Variants in UBAP2 observed in about 807,000 individuals in gnomAD.
UBAP2 encodes ubiquitin associated protein 2.
In UBAP2, 75 loss-of-function variants were observed where a neutral mutation model predicts 139.6. The ratio of observed to expected loss-of-function variants is 0.54; its 90% CI spans 0.45 to 0.65. The LOEUF (loss-of-function observed/expected upper bound fraction) is 0.65, where lower values mean the gene tolerates loss of function less well. Among genes scored for constraint, UBAP2 ranks in the 30% least tolerant of loss-of-function variants. The pLI is 0.00. For missense variants in UBAP2, 1,368 were observed against 1,369.6 expected, an observed-to-expected ratio of 1.00 and a Z score of 0.02; for synonymous variants, 526 against 526.2, an observed-to-expected ratio of 1.00 and a Z score of 0.01.
At chr9:33,925,226 TCA>T (rs747498695) in intron 22 of UBAP2, among the ~76,000 whole-genome samples, 16 of 152,080 alleles carry the variant, frequency 1.1e-4, no homozygotes, top group Non-Finnish European at 2.2e-4. Context: ...GGAATGGCAC[TCA>T]CACCCTCCAG....
At chr9:34,039,847 T>TAAAAAAA (rs74180526) in intron 1 of UBAP2, among the ~76,000 whole-genome samples, 22 of 84,414 alleles carry the variant, frequency 2.6e-4, no homozygotes, top group Non-Finnish European at 4.6e-4. Flanking sequence ...CAATAAATAC[T>TAAAAAAA]AAAAAAAAAA....
chr9:33,935,428 G>A lies in UBAP2; in HGVS notation c.1969+411C>T, dbSNP rs573585507. On this transcript the variant is annotated intron_variant, in intron 17 of 28. Transcript: ENST00000379238. ...ACAGGCACGCGCCGCCACCACACCC[G>A]GCTAGTTTTTCGTATTTTAGTAGAG... The A allele has an allele frequency of 1.5e-4, 26 of 168,678 alleles. No homozygotes were observed. The South Asian group carries it at 1.8e-3, about 12-fold the overall frequency. The allele number at this position is 168,678 out of a possible 1,614,324, so 10.4% of individuals were successfully genotyped here. A position where few individuals can be genotyped will look rare whatever the true frequency, so the allele number is the denominator to read the frequency against.
chr9:33,961,022 C>A, intron 9 of UBAP2, 144 bp from the exon 10 acceptor site: 1 of 703,356 alleles, frequency 1.4e-6, no homozygotes, highest in Admixed American at 2.5e-5. Flanking sequence ...AGAAACATGA[C>A]GTTCTTAATC....
At chr9:33,930,895 C>CAAAAAAA (rs57202118) in intron 19 of UBAP2, among the ~76,000 whole-genome samples, 2 of 73,234 alleles carry the variant, frequency 2.7e-5, no homozygotes, top group Non-Finnish European at 4.9e-5. Flanking sequence ...GACTGCATCT[C>CAAAAAAA]AAAAAAAAAA....
chr9:33,961,454 C>T (rs923244240), intron 9 of UBAP2, among the ~76,000 whole-genome samples: 1 of 152,156 alleles, frequency 6.6e-6, no homozygotes, highest in Non-Finnish European at 1.5e-5. Flanking sequence ...GTTCTGGAGT[C>T]AGTACACAGG....
chr9:33,960,525 C>G (rs1414036249), intron 10 of UBAP2, among the ~76,000 whole-genome samples: 1 of 152,092 alleles, frequency 6.6e-6, no homozygotes, highest in African/African-American at 2.4e-5. Context: ...CCTATAATCC[C>G]AGCACTTTGG....
In UBAP2 at chr9:33,956,060, G is replaced by C; in HGVS notation, c.866+19C>G. On this transcript the variant is annotated intron_variant, in intron 11 of 28. Transcript: ENST00000379238. ...GTAATGCTTTGAATAACAAATATAA[G>C]ATGGCAAAAAGTATTTACCTTTGCC... is the stretch of plus-strand genomic sequence containing the variant. The C allele has an allele frequency of 1.3e-6, 2 of 1,589,796 alleles. No individual in the cohort carries two copies. Among genetic ancestry groups the C allele is most frequent in the African/African-American group, 1.4e-5 (1 of 74,044 alleles).
At chr9:33,983,064 G>A (rs954978823) in intron 6 of UBAP2, among the ~76,000 whole-genome samples, 3 of 151,900 alleles carry the variant, frequency 2.0e-5, no homozygotes, top group African/African-American at 7.3e-5. Context: ...ATTTTGAGTA[G>A]AGACAGGGTT....
Position 33,943,583 on chromosome 9 carries a change from C to G in UBAP2, c.1552G>C (p.Ala518Pro). ...GAACCAGGCATTTCCACTGCAGAAGCTGGGATCTGAAAAAGCAAAGCTGTC... is the reference window on the plus strand; with the variant it reads ...GAACCAGGCATTTCCACTGCAGAAGGTGGGATCTGAAAAAGCAAAGCTGTC... ...RRIPPASKIP[A>P]SAVEMPGSAD... The change falls in exon 15 of 29, where the codon GCT becomes CCT. Residue 518 changes from alanine to proline, a missense_variant. Coordinates refer to ENST00000379238, the MANE Select transcript of UBAP2 (RefSeq NM_001370062.2). The G allele has an allele frequency of 6.2e-7, 1 of 1,613,886 alleles. No homozygotes were observed. Among genetic ancestry groups the G allele is most frequent in the Non-Finnish European group, 8.5e-7 (1 of 1,179,942 alleles).
intron 1 of UBAP2, among the ~76,000 whole-genome samples, chr9:34,047,227 G>A (rs754999023): frequency 6.6e-6 from 1 of 152,178 alleles, no homozygotes. Flanking sequence ...CTCGTCACAC[G>A]TATCAACTAG....
intron 1 of UBAP2, among the ~76,000 whole-genome samples, chr9:34,046,719 C>G (rs1264867984): frequency 1.3e-5 from 2 of 150,172 alleles, no homozygotes; most frequent in African/African-American, 4.9e-5. Flanking sequence ...AAGGTTTGTA[C>G]TTTCTACACA....
intron 1 of UBAP2, among the ~76,000 whole-genome samples, chr9:34,027,701 C>A (rs1011861850): frequency 6.7e-6 from 1 of 148,208 alleles, no homozygotes; most frequent in African/African-American, 2.5e-5. Flanking sequence ...ACTAAAAATA[C>A]AAAAAAAAAA....
intron 15 of UBAP2, among the ~76,000 whole-genome samples, chr9:33,942,502 C>G (rs369306917): frequency 2.6e-5 from 4 of 152,098 alleles, no homozygotes; most frequent in African/African-American, 9.6e-5. Context: ...CTGATGCAGG[C>G]AGATTCATTG....
rs563533204 is a variant in UBAP2, at chr9:34,029,222, G to A, written c.-41-12033C>T. On this transcript the variant is annotated intron_variant, in intron 1 of 28. Transcript: ENST00000379238. ...ATGCACCCAAGAGAACTGAAAACAC[G>A]TTCACCTAAAAATGTGTACATAGGG... Among the ~76,000 whole-genome samples, 8 of 152,244 alleles carry A rather than the reference G, an allele frequency of 5.3e-5. No homozygotes were observed. In the East Asian group the frequency reaches 9.6e-4, roughly 18 times the overall value.
At position 33,926,625 on chromosome 9, in the gene UBAP2, G is replaced by C. The variant is rs368390826; in HGVS notation, c.2503C>G (p.Leu835Val). ...YDELQMLQSR[L>V]PVDYYGIPFA... Reference sequence around the variant, plus strand: ...GTCCATACCCCACTCACCACTGGCAGCCGTGACTGCAGCATCTGGAGCTCG... The same window carrying C: ...GTCCATACCCCACTCACCACTGGCACCCGTGACTGCAGCATCTGGAGCTCG... The change falls in exon 22 of 29, where the codon CTG (leucine) becomes GTG (valine). Residue 835 changes from leucine (L) to valine (V), a missense_variant. By Grantham distance (32) the Leu-to-Val change is conservative. Transcript: ENST00000379238. 9 of 1,614,106 alleles carry C rather than the reference G, an allele frequency of 5.6e-6. No homozygotes were observed. In the African/African-American group the frequency reaches 1.2e-4, roughly 22 times the overall value.
At chr9:33,923,696 A>G (rs1471556224) in intron 24 of UBAP2, 99 bp downstream of exon 24, 13 of 1,314,528 alleles carry the variant, frequency 9.9e-6, no homozygotes, top group Non-Finnish European at 1.4e-5. Flanking sequence ...GACGGAGTGG[A>G]ATCACAACCC....
intron 2 of UBAP2, among the ~76,000 whole-genome samples, chr9:34,003,728 G>GT (rs995737527): frequency 2.4e-4 from 35 of 144,966 alleles, no homozygotes; most frequent in South Asian, 6.7e-4. Context: ...TCTTTCTTTT[G>GT]TTTTTTTTTG....
intron 8 of UBAP2, among the ~76,000 whole-genome samples, chr9:33,965,305 C>A (rs1315338413): frequency 6.6e-6 from 1 of 151,976 alleles, no homozygotes; most frequent in Admixed American, 6.6e-5. Flanking sequence ...GGGTTGTTTT[C>A]TTATTACTGA....
intron 6 of UBAP2, among the ~76,000 whole-genome samples, chr9:33,984,503 A>AC (rs1821033830): frequency 6.8e-6 from 1 of 147,108 alleles, no homozygotes; most frequent in Non-Finnish European, 1.5e-5. Flanking sequence ...TCTCTTAAAA[A>AC]AAAAATTTTT....
Sources: allele counts gnomAD v4.1 joint callset (sites outside exome capture counted in the v4.1 genomes callset), GRCh38; gene constraint gnomAD v4.1.1; transcripts MANE v1.5; gene names NCBI Gene and HGNC (gene_info 2026-07-23, HGNC 2026-07-21).